The following FAR2 variants were observed in gnomAD, a reference collection of about 807,000 sequenced individuals.
FAR2 encodes epididymis secretory protein Li 81.
Under a neutral mutation model 56.0 loss-of-function variants are expected in FAR2, and 19 were observed. The ratio of observed to expected loss-of-function variants is 0.34; its 90% CI spans 0.24 to 0.50. The LOEUF is 0.50. FAR2 is among the 20% of genes least tolerant of loss of function. The pLI, the probability that FAR2 is intolerant of heterozygous loss-of-function variation, is 0.98. For missense variants in FAR2, 508 were observed against 642.2 expected, an observed-to-expected ratio of 0.79 and a Z score of 2.26; for synonymous variants, 219 against 218.8, an observed-to-expected ratio of 1.00 and a Z score of -0.01.
At chr12:29,333,179 C>A (rs1291571482) in intron 11 of FAR2, 1 of 320,006 alleles carries the variant, frequency 3.1e-6, no homozygotes, top group African/African-American at 2.2e-5. Context: ...ACAAGGAATT[C>A]TAGCACTCTG....
At chr12:29,252,214 C>T (rs1250429330) in intron 1 of FAR2, among the ~76,000 whole-genome samples, 1 of 152,040 alleles carries the variant, frequency 6.6e-6, no homozygotes. Flanking sequence ...ACAGGAGATC[C>T]TTTAGGGTGT....
At chr12:29,188,790 T>C (rs540767368) in intron 1 of FAR2, among the ~76,000 whole-genome samples, 5 of 151,940 alleles carry the variant, frequency 3.3e-5, no homozygotes, top group South Asian at 4.2e-4. Context: ...TTTTTTTTTT[T>C]CATGACCCTG....
At chr12:29,227,872 C>G (rs1199866289) in intron 1 of FAR2, among the ~76,000 whole-genome samples, 1 of 116,158 alleles carries the variant, frequency 8.6e-6, no homozygotes, top group African/African-American at 2.9e-5. Flanking sequence ...GTATACTTTG[C>G]TAAGGTAAAA....
chr12:29,285,559 A>G (rs1948860183), intron 2 of FAR2, among the ~76,000 whole-genome samples: 1 of 151,642 alleles, frequency 6.6e-6, no homozygotes, highest in African/African-American at 2.4e-5. Flanking sequence ...GGGAAGAAGG[A>G]AGGGAGGGAA....
At chr12:29,216,553 C>T (rs1203754185) in intron 1 of FAR2, among the ~76,000 whole-genome samples, 2 of 152,178 alleles carry the variant, frequency 1.3e-5, no homozygotes, top group Non-Finnish European at 2.9e-5. Context: ...CAAAATTTTA[C>T]ATGTGAGCGC....
At chr12:29,225,659 A>G (rs1947754651) in intron 1 of FAR2, among the ~76,000 whole-genome samples, 2 of 152,174 alleles carry the variant, frequency 1.3e-5, no homozygotes, top group African/African-American at 2.4e-5. Context: ...CCGCTGCCCT[A>G]AGACAATGGG....
intron 1 of FAR2, among the ~76,000 whole-genome samples, chr12:29,226,472 G>C (rs1008805462): frequency 3.3e-5 from 5 of 152,140 alleles, no homozygotes; most frequent in African/African-American, 1.2e-4. Context: ...CAGTTAAACA[G>C]CAAAAATTCA....
intron 2 of FAR2, among the ~76,000 whole-genome samples, chr12:29,274,490 G>A (rs1244417473): frequency 6.6e-6 from 1 of 151,976 alleles, no homozygotes; most frequent in East Asian, 1.9e-4. Context: ...TGTGAATAGT[G>A]CCGCAATAAA....
chr12:29,235,868 T>C (rs1947933609), intron 1 of FAR2, among the ~76,000 whole-genome samples: 1 of 152,114 alleles, frequency 6.6e-6, no homozygotes, highest in East Asian at 1.9e-4. Flanking sequence ...TTCAGTAAAC[T>C]CTAGGTTGAA....
chr12:29,190,512 T>A (rs1206897460), intron 1 of FAR2, among the ~76,000 whole-genome samples: 2 of 152,174 alleles, frequency 1.3e-5, no homozygotes, highest in African/African-American at 4.8e-5. Context: ...TTGCCCATGC[T>A]GGAGTGCAGT....
intron 1 of FAR2, among the ~76,000 whole-genome samples, chr12:29,245,582 A>G (rs1290680723): frequency 6.6e-6 from 1 of 151,920 alleles, no homozygotes; most frequent in Non-Finnish European, 1.5e-5. Flanking sequence ...CCCCAGTTCA[A>G]CTCCTCAATA....
chr12:29,239,269 G>A (rs1947987551), intron 1 of FAR2, among the ~76,000 whole-genome samples: 1 of 152,060 alleles, frequency 6.6e-6, no homozygotes, highest in South Asian at 2.1e-4. Context: ...TAAACAAATA[G>A]GGAATTTACT....
At chr12:29,282,623 G>C (rs192499169) in intron 2 of FAR2, among the ~76,000 whole-genome samples, 157 of 152,130 alleles carry the variant, frequency 1.0e-3, no homozygotes, top group African/African-American at 3.7e-3. Context: ...TTAAAACATA[G>C]TAACCAAAAA....
chr12:29,235,266 T>C (rs552187045), intron 1 of FAR2, among the ~76,000 whole-genome samples: 1 of 152,304 alleles, frequency 6.6e-6, no homozygotes, highest in East Asian at 1.9e-4. Flanking sequence ...ATTAATGTAC[T>C]AGAATGAAAA....
At chr12:29,228,094 C>T (rs928068650) in intron 1 of FAR2, among the ~76,000 whole-genome samples, 1 of 148,688 alleles carries the variant, frequency 6.7e-6, no homozygotes, top group African/African-American at 2.5e-5. Context: ...AACAAACCTG[C>T]ATATTGTGCA....
At chr12:29,288,693 A>G (rs1268302622) in intron 2 of FAR2, among the ~76,000 whole-genome samples, 2 of 152,064 alleles carry the variant, frequency 1.3e-5, no homozygotes, top group African/African-American at 4.8e-5. Context: ...AATATAGAGG[A>G]CTCAGGAAAC....
At chr12:29,206,817 G>A (rs1947481661) in intron 1 of FAR2, among the ~76,000 whole-genome samples, 1 of 152,174 alleles carries the variant, frequency 6.6e-6, no homozygotes, top group African/African-American at 2.4e-5. Context: ...AGTAGCGTGG[G>A]CAGGCATCAG....
rs532095636 is a variant in FAR2, at chr12:29,157,211, G to T, written c.-39+7804G>T. ...TGATTAAACAATGTGGTTAAACAAT[G>T]AAAAAAAAGCCTTACTGTAATTGCC... On this transcript the variant is annotated intron_variant, in intron 1 of 11. Coordinates refer to ENST00000536681, the MANE Select transcript of FAR2 (RefSeq NM_001271783.2). 1.1e-4 allele frequency among the ~76,000 whole-genome samples: 15 copies of T among 141,520 alleles called. 1 individual carries two copies. In the South Asian group the frequency reaches 3.1e-3, roughly 29 times the overall value. The allele number at this position is 141,520 out of a possible 152,430, so 92.8% of individuals were successfully genotyped here.
chr12:29,206,488 A>C (rs1214404317), intron 1 of FAR2, among the ~76,000 whole-genome samples: 1 of 152,172 alleles, frequency 6.6e-6, no homozygotes, highest in Non-Finnish European at 1.5e-5. Context: ...TTTCCCACAA[A>C]GTTCATCTGT....
Sources: gnomAD v4.1 joint callset for allele counts (sites outside exome capture counted in the v4.1 genomes callset) on GRCh38, gnomAD v4.1.1 for gene constraint, MANE v1.5 for transcripts, NCBI Gene and HGNC (gene_info 2026-07-23, HGNC 2026-07-21) for gene names.